The following BTBD9 variants were observed in gnomAD, a reference collection of about 807,000 sequenced individuals.
BTBD9 encodes the protein BTB/POZ domain-containing protein 9.
Under a neutral mutation model 64.3 loss-of-function variants are expected in BTBD9, and 49 were observed. The ratio of observed to expected loss-of-function variants is 0.76; its 90% CI spans 0.61 to 0.97. The LOEUF is 0.97. Ranked by LOEUF, BTBD9 falls within the 50% of genes least tolerant of loss-of-function variation. BTBD9 has a pLI of 0.00. For synonymous variants in BTBD9, 260 were observed against 274.7 expected (o/e 0.95, Z 0.53); for missense variants, 598 against 762.1 (o/e 0.78, Z 2.53).
chr6:38,577,616 G>A lies in BTBD9; in HGVS notation c.1138C>T (p.Pro380Ser). ...AAAACTAACCTGCAGACACGGGCTG[G>A]AAAATATAATTTCTGCCAAGAACGA... ...LCRSWQKLYF[P>S]ARVCRYIRIV... Residue 380 changes from proline to serine, a missense_variant, in exon 6 of 11, where the codon CCA (proline) becomes TCA (serine). Coordinates refer to ENST00000481247, the MANE Select transcript of BTBD9 (RefSeq NM_001099272.2). 1 of 1,608,342 alleles carries A rather than the reference G, an allele frequency of 6.2e-7. No homozygotes were observed. Among genetic ancestry groups the A allele is most frequent in the Middle Eastern group, 1.7e-4 (1 of 6,052 alleles).
chr6:38,348,115 T>C (rs1211193743), intron 6 of BTBD9, among the ~76,000 whole-genome samples: 2 of 152,110 alleles, frequency 1.3e-5, no homozygotes, highest in Non-Finnish European at 2.9e-5. Context: ...AACGAGCATA[T>C]TTCCTTAACG....
chr6:38,378,252 T>A (rs1765774860), intron 6 of BTBD9, among the ~76,000 whole-genome samples: 1 of 151,514 alleles, frequency 6.6e-6, no homozygotes, highest in Non-Finnish European at 1.5e-5. Context: ...TTTCTTTTTT[T>A]TTTTTTTTTG....
chr6:38,240,683 C>G (rs1076704), intron 9 of BTBD9, among the ~76,000 whole-genome samples: 56,445 of 152,016 alleles, frequency 0.37, 11,381 homozygotes, highest in Non-Finnish European at 0.46. Context: ...TGTAAGAACA[C>G]CATATTAAAG....
intron 6 of BTBD9, among the ~76,000 whole-genome samples, chr6:38,433,746 T>C (rs1768567736): frequency 1.3e-5 from 2 of 152,008 alleles, no homozygotes; most frequent in South Asian, 4.1e-4. Flanking sequence ...TACCATGTTT[T>C]ATTTTCTTCT....
chr6:38,219,495 G>A (rs1297228812), intron 9 of BTBD9, among the ~76,000 whole-genome samples: 1 of 151,832 alleles, frequency 6.6e-6, no homozygotes, highest in Non-Finnish European at 1.5e-5. Flanking sequence ...CACCCACCTA[G>A]GTTCACTTCT....
intron 6 of BTBD9, among the ~76,000 whole-genome samples, chr6:38,518,102 AT>A (rs1773119788): frequency 6.6e-6 from 1 of 152,228 alleles, no homozygotes; most frequent in African/African-American, 2.4e-5. Flanking sequence ...ACAGTAGCAA[AT>A]GTCACTAACT....
chr6:38,374,308 T>TATATATATATATAA lies in BTBD9; in HGVS notation c.1155-29216_1155-29215insTTATATATATATAT, dbSNP rs1562095574. The stretch of plus-strand genomic sequence containing the variant: ...GTATATATATATATGTATATATATG[T>TATATATATATATAA]ATATATATATATATATATGTATATA... On this transcript the variant is annotated intron_variant, in intron 6 of 10. Transcript: ENST00000481247. Among the ~76,000 whole-genome samples, 5 of 84,066 alleles carry TATATATATATATAA rather than the reference T, an allele frequency of 5.9e-5. No homozygotes were observed. In the East Asian group the frequency reaches 1.2e-3, roughly 21 times the overall value. The allele number at this position is 84,066 out of a possible 152,430, so 55.2% of individuals were successfully genotyped here.
At chr6:38,217,826 T>C (rs1224235791) in intron 9 of BTBD9, among the ~76,000 whole-genome samples, 1 of 152,066 alleles carries the variant, frequency 6.6e-6, no homozygotes, top group Non-Finnish European at 1.5e-5. Flanking sequence ...GAAAACCCTA[T>C]GCTGCAGGGA....
chr6:38,306,160 A>G (rs1214398689), intron 7 of BTBD9, among the ~76,000 whole-genome samples: 1 of 152,226 alleles, frequency 6.6e-6, no homozygotes, highest in Non-Finnish European at 1.5e-5. Context: ...ATCGTCTTTC[A>G]TATGCGTCTG....
intron 7 of BTBD9, among the ~76,000 whole-genome samples, chr6:38,324,936 C>T (rs182457655): frequency 6.6e-4 from 100 of 152,156 alleles, no homozygotes; most frequent in African/African-American, 1.7e-3. Context: ...GAATGAAACA[C>T]GAGAAAAATA....
At chr6:38,636,524 T>C (rs1010769773) in intron 1 of BTBD9, among the ~76,000 whole-genome samples, 1 of 152,166 alleles carries the variant, frequency 6.6e-6, no homozygotes, top group Non-Finnish European at 1.5e-5. Flanking sequence ...AAACTAGACA[T>C]ATTATCTTTG....
chr6:38,413,316 A>G (rs1372027251), intron 6 of BTBD9, among the ~76,000 whole-genome samples: 1 of 152,210 alleles, frequency 6.6e-6, no homozygotes, highest in African/African-American at 2.4e-5. Flanking sequence ...TACTCACTGC[A>G]GTGAGGCAGC....
Position 38,577,666 on chromosome 6 carries a change from A to T in BTBD9, c.1088T>A (p.Val363Glu). 6.2e-7 allele frequency: 1 copy of T among 1,610,538 alleles called. No individual in the cohort carries two copies. The highest frequency in any genetic ancestry group is 8.5e-7 in the Non-Finnish European group (1 of 1,179,352). Reference sequence around the variant, plus strand: ...ACACAGATATTGTGAATGATCTATCACTCTGACCCAATCAAGTTCATCCAT... The same window carrying T: ...ACACAGATATTGTGAATGATCTATCTCTCTGACCCAATCAAGTTCATCCAT... ...VSMDELDWVR[V>E]IDHSQYLCRS... Residue 363 changes from valine (V) to glutamate (E), a missense_variant, in exon 6 of 11, where the codon GTG becomes GAG. Val to Glu is a moderately radical substitution (Grantham distance 121). Transcript: ENST00000481247.
At chr6:38,188,776 A>G (rs9462404) in intron 10 of BTBD9, among the ~76,000 whole-genome samples, 103,035 of 152,046 alleles carry the variant, frequency 0.68, 36,080 homozygotes, top group Non-Finnish European at 0.74. Flanking sequence ...CATGAAGGTG[A>G]AACCCCCGTG....
chr6:38,347,945 T>C (rs1351661896), intron 6 of BTBD9, among the ~76,000 whole-genome samples: 1 of 152,166 alleles, frequency 6.6e-6, no homozygotes, highest in African/African-American at 2.4e-5. Context: ...TGCAGTGAGC[T>C]GAGATCGCGC....
rs577234345 is a variant in BTBD9 at position 38,424,225 on chromosome 6, G to A, written c.1155-79132C>T. 4.0e-4 allele frequency among the ~76,000 whole-genome samples: 61 copies of A among 151,950 alleles called. No individual in the cohort carries two copies. The Middle Eastern group carries it at 0.01, about 25-fold the overall frequency. On this transcript the variant is annotated intron_variant, in intron 6 of 10. Transcript: ENST00000481247. ...TTCTCATTGCAGAATAAAAGTCTCT[G>A]GTTCCTTTAAAGAAACTTCAGGTAT...
In BTBD9 at chr6:38,171,399, A is replaced by C. The variant is rs1248525767; in HGVS notation, c.*3586T>G. The C allele has an allele frequency of 6.6e-6, 1 of 152,206 alleles. No individual in the cohort carries two copies. Among genetic ancestry groups the C allele is most frequent in the East Asian group, 1.9e-4 (1 of 5,200 alleles). 9.4% of individuals were successfully genotyped at this position (152,206 alleles called of 1,614,324 possible). A position where few individuals can be genotyped will look rare whatever the true frequency, so the allele number is the denominator to read the frequency against. On this transcript the variant is annotated 3_prime_UTR_variant, in exon 11 of 11. Coordinates refer to ENST00000481247, the MANE Select transcript of BTBD9 (RefSeq NM_001099272.2). ...ACTCTTCTAGGAATAAAACACTTTT[A>C]ATGTATTTGTCAGGAATCGACACTT...
intron 6 of BTBD9, among the ~76,000 whole-genome samples, chr6:38,549,319 C>G (rs1044671767): frequency 8.5e-5 from 13 of 152,342 alleles, no homozygotes; most frequent in African/African-American, 3.1e-4. Context: ...ACACTCAACA[C>G]TGTGCTAGCA....
At chr6:38,439,110 CTTTTTT>C (rs35699356) in intron 6 of BTBD9, among the ~76,000 whole-genome samples, 5 of 64,068 alleles carry the variant, frequency 7.8e-5, no homozygotes, top group African/African-American at 2.1e-4. Flanking sequence ...TAGCAACTGA[CTTTTTT>C]TTTTTTTTTT....
Sources: gnomAD v4.1 joint callset for allele counts (sites outside exome capture counted in the v4.1 genomes callset) on GRCh38, gnomAD v4.1.1 for gene constraint, MANE v1.5 for transcripts, NCBI Gene and HGNC (gene_info 2026-07-23, HGNC 2026-07-21) for gene names.